ZFHX3: variants seen among roughly 807,000 people sequenced by gnomAD.
ZFHX3 encodes the protein zinc finger homeobox 3, also known as zinc finger homeobox protein 3.
ZFHX3 carries 42 observed loss-of-function variants against 279.1 expected under a neutral mutation model. The ratio of observed to expected loss-of-function variants is 0.15; its 90% CI spans 0.12 to 0.19. The LOEUF (loss-of-function observed/expected upper bound fraction) is 0.19. ZFHX3 is among the 10% of genes least tolerant of loss of function. The pLI is 1.00. For missense variants in ZFHX3, 4,981 were observed against 4,754.0 expected, an observed-to-expected ratio of 1.05 and a Z score of -1.40; for synonymous variants, 2,293 against 1,957.8, an observed-to-expected ratio of 1.17 and a Z score of -4.52.
intron 7 of ZFHX3, among the ~76,000 whole-genome samples, chr16:73,125,839 T>C (rs1054470084): frequency 3.3e-5 from 5 of 152,022 alleles, no homozygotes; most frequent in Admixed American, 6.5e-5. Context: ...CACACACACA[T>C]ATCTATTCCA....
intron 1 of ZFHX3, among the ~76,000 whole-genome samples, chr16:72,994,615 C>A (rs1053470170): frequency 2.6e-5 from 4 of 152,216 alleles, no homozygotes; most frequent in African/African-American, 9.6e-5. Context: ...GCAGCAGGCT[C>A]CCCTGCCTCA....
At chr16:73,361,762 G>A (rs2016437156) in intron 3 of ZFHX3, among the ~76,000 whole-genome samples, 1 of 152,128 alleles carries the variant, frequency 6.6e-6, no homozygotes, top group Non-Finnish European at 1.5e-5. Flanking sequence ...TAATATATCA[G>A]TTTTTGAGAT....
intron 1 of ZFHX3, among the ~76,000 whole-genome samples, chr16:73,045,901 TA>T: frequency 6.6e-6 from 1 of 152,142 alleles, no homozygotes; most frequent in African/African-American, 2.4e-5. Flanking sequence ...GGGCTGTTTT[TA>T]AAGTCTAAAA....
chr16:72,940,603 T>C (rs1194339541), intron 3 of ZFHX3, among the ~76,000 whole-genome samples: 2 of 151,832 alleles, frequency 1.3e-5, no homozygotes, highest in African/African-American at 2.4e-5. Flanking sequence ...AGGAAGAGCA[T>C]ACTGCCAGCG....
chr16:73,402,162 T>A (rs1043130881), intron 3 of ZFHX3: 4 of 152,252 alleles, frequency 2.6e-5, no homozygotes, highest in African/African-American at 9.6e-5. Flanking sequence ...TTGTGATTGT[T>A]ATTTAAATAC....
chr16:73,303,994 A>G (rs1438425175), intron 4 of ZFHX3, among the ~76,000 whole-genome samples: 1 of 150,940 alleles, frequency 6.6e-6, no homozygotes, highest in Non-Finnish European at 1.5e-5. Context: ...AAAAAAAGAA[A>G]TGTAGGAAAG....
intron 4 of ZFHX3, among the ~76,000 whole-genome samples, chr16:72,837,961 T>C (rs758299410): frequency 1.3e-5 from 2 of 152,214 alleles, no homozygotes; most frequent in Non-Finnish European, 2.9e-5. Context: ...GAATTCTTTT[T>C]ACCACTAGAT....
rs945894982 is a variant in ZFHX3 at position 72,796,986 on chromosome 16, C to G, written c.5696G>C (p.Gly1899Ala). Residue 1899 changes from glycine (G) to alanine (A), a missense_variant, in exon 9 of 10, where the codon GGA (glycine) becomes GCA (alanine). Physicochemically the swap from Gly to Ala is moderately conservative, Grantham distance 60 (BLOSUM62 0). Around this residue, in one of 7 missense-constraint regions of ZFHX3, gnomAD observed 1,751 missense variants for 1,770.0 expected, o/e 0.99. Coordinates refer to ENST00000268489, the MANE Select transcript of ZFHX3 (RefSeq NM_006885.4). ...TTCCTTCGGACCGGTGTTGCCCTCT[C>G]CCCCCTCGGCGCTGTCCCTCTCTCT... ...SQRERDSAEG[G>A]EGNTGPKETL... 6.2e-7 allele frequency: 1 copy of G among 1,613,994 alleles called. No individual in the cohort carries two copies. Among genetic ancestry groups the G allele is most frequent in the Non-Finnish European group, 8.5e-7 (1 of 1,179,994 alleles).
intron 3 of ZFHX3, among the ~76,000 whole-genome samples, chr16:72,949,404 T>C (rs1019488151): frequency 7.2e-5 from 11 of 152,190 alleles, no homozygotes; most frequent in African/African-American, 2.2e-4. Context: ...GGGAGATTTA[T>C]GGCGATTTGT....
chr16:73,819,035 C>T (rs1307465959), intron 1 of ZFHX3, among the ~76,000 whole-genome samples: 1 of 152,110 alleles, frequency 6.6e-6, no homozygotes, highest in Non-Finnish European at 1.5e-5. Context: ...CAAGCACATC[C>T]TCAAGCCTCC....
chr16:72,983,662 G>A (rs1183200507), intron 1 of ZFHX3, among the ~76,000 whole-genome samples: 4 of 151,996 alleles, frequency 2.6e-5, no homozygotes, highest in Admixed American at 6.5e-5. Context: ...AGCTATGAAC[G>A]TGCCCCTGCA....
At chr16:73,132,859 G>A (rs777999642) in intron 6 of ZFHX3, among the ~76,000 whole-genome samples, 9 of 152,170 alleles carry the variant, frequency 5.9e-5, no homozygotes, top group Non-Finnish European at 8.8e-5. Context: ...ACAAATGCTC[G>A]ATGTTGGCCA....
intron 5 of ZFHX3, among the ~76,000 whole-genome samples, chr16:73,215,825 CACATGACTTG>C (rs1160746037): frequency 6.6e-6 from 1 of 152,176 alleles, no homozygotes; most frequent in African/African-American, 2.4e-5. Context: ...GTTGCTCAAT[CACATGACTTG>C]ACTTGGCTAA....
intron 8 of ZFHX3, among the ~76,000 whole-genome samples, chr16:73,069,091 G>C (rs1033112744): frequency 6.6e-6 from 1 of 152,248 alleles, no homozygotes; most frequent in Non-Finnish European, 1.5e-5. Context: ...ATGAGTGTGT[G>C]TAACTGGGCA....
At chr16:73,452,319 A>G (rs1393027221) in intron 3 of ZFHX3, among the ~76,000 whole-genome samples, 2 of 152,234 alleles carry the variant, frequency 1.3e-5, no homozygotes, top group African/African-American at 4.8e-5. Flanking sequence ...TCACTGAAAC[A>G]TTAATGAGAT....
rs140003602 is a variant in ZFHX3 at position 72,882,022 on chromosome 16, A to G, written c.3448+7709T>C. 1.2e-3 allele frequency among the ~76,000 whole-genome samples: 176 copies of G among 152,272 alleles called. 1 individual carries two copies. The highest frequency in any genetic ancestry group is 4.2e-3 in the African/African-American group (173 of 41,562). ...TGGCTCCCTTGGGGGTCCCCATGTC[A>G]CTGGGCTCTGATGAGCCAACGGGGG... On this transcript the variant is annotated intron_variant, in intron 4 of 9. Transcript: ENST00000268489.
chr16:73,464,754 C>T (rs983585810), intron 2 of ZFHX3, among the ~76,000 whole-genome samples: 2 of 152,232 alleles, frequency 1.3e-5, no homozygotes, highest in Non-Finnish European at 1.5e-5. Flanking sequence ...TGCTGGGGCT[C>T]GGTCACGCCA....
chr16:72,988,084 G>C (rs1757513867), intron 1 of ZFHX3, among the ~76,000 whole-genome samples: 1 of 152,120 alleles, frequency 6.6e-6, no homozygotes, highest in Non-Finnish European at 1.5e-5. Context: ...CATACCCTAA[G>C]AACAATATGG....
intron 8 of ZFHX3, among the ~76,000 whole-genome samples, chr16:73,084,645 C>G (rs1484415916): frequency 6.6e-6 from 1 of 151,636 alleles, no homozygotes; most frequent in Non-Finnish European, 1.5e-5. Context: ...CTCAGCCTCC[C>G]AGGCTGAGAC....
Sources: allele counts gnomAD v4.1 joint callset (sites outside exome capture counted in the v4.1 genomes callset), GRCh38; gene constraint gnomAD v4.1.1; regional missense constraint gnomAD v4.1.1; transcripts MANE v1.5; gene names NCBI Gene and HGNC (gene_info 2026-07-23, HGNC 2026-07-21).